The following ATP8B2 variants were observed in gnomAD, a reference collection of about 807,000 sequenced individuals.
ATP8B2 encodes phospholipid-transporting ATPase ID.
A neutral mutation model predicts 133.4 loss-of-function variants in ATP8B2; 70 were observed. The ratio of observed to expected loss-of-function variants is 0.52; its 90% CI spans 0.43 to 0.64. The LOEUF (loss-of-function observed/expected upper bound fraction) is 0.64. Among genes scored for constraint, ATP8B2 ranks in the 30% least tolerant of loss-of-function variants. The pLI, the probability that ATP8B2 is intolerant of heterozygous loss-of-function variation, is 0.00. For missense variants in ATP8B2, 1,101 were observed against 1,535.7 expected (o/e 0.72, Z 4.73); for synonymous variants, 517 against 589.5 (o/e 0.88, Z 1.78).
chr1:154,329,329 G>A (rs909176786), intron 2 of ATP8B2, among the ~76,000 whole-genome samples: 12 of 152,138 alleles, frequency 7.9e-5, no homozygotes, highest in Non-Finnish European at 1.5e-4. Context: ...AGGGGGCACT[G>A]TGGCCTGGGT....
rs1686331421 is a variant in ATP8B2 at position 154,340,217 on chromosome 1, G to C, written c.1035-637G>C. Among the ~76,000 whole-genome samples the C allele has an allele frequency of 6.6e-6, 1 of 152,176 alleles. No individual in the cohort carries two copies. The highest frequency in any genetic ancestry group is 2.4e-5 in the African/African-American group (1 of 41,434). On this transcript the variant is annotated intron_variant, in intron 12 of 27. Coordinates refer to ENST00000368489, the MANE Select transcript of ATP8B2 (RefSeq NM_001370597.1). This position sits in a 1 kb window ranked among gnomAD's most constrained non-coding sequence, Gnocchi z 4.0. ...AACAACAACCACCACAATGCGCTGT[G>C]CCATTGTGAAGTGGTGGTGTTCTGC...
intron 11 of ATP8B2, among the ~76,000 whole-genome samples, chr1:154,335,277 A>G (rs1686139369): frequency 6.6e-6 from 1 of 152,132 alleles, no homozygotes; most frequent in Admixed American, 6.6e-5. Flanking sequence ...CCAATCTCCT[A>G]TTTTGTTTCA....
chr1:154,347,511 T>TA (rs1244960413), intron 26 of ATP8B2, among the ~76,000 whole-genome samples: 1 of 152,182 alleles, frequency 6.6e-6, no homozygotes, highest in South Asian at 2.1e-4. Flanking sequence ...GGGCCGCTCT[T>TA]ACAGTTTCGT....
rs1259824646 is a variant in ATP8B2, at chr1:154,331,478, G to A, written c.338G>A (p.Arg113His). ...AAGAGCGATAACCAGGTGAATAACC[G>A]CCAGTCTCAGGTGCTGATCAATGGA... ...RHKSDNQVNN[R>H]QSQVLINGIL... Residue 113 changes from arginine to histidine, a missense_variant, in exon 6 of 28, where the codon CGC becomes CAC. Coordinates refer to ENST00000368489, the MANE Select transcript of ATP8B2 (RefSeq NM_001370597.1). This position sits in a 1 kb window ranked among gnomAD's most constrained non-coding sequence, Gnocchi z 4.8. The A allele has an allele frequency of 6.8e-6, 11 of 1,614,150 alleles. No homozygotes were observed. The highest frequency in any genetic ancestry group is 1.1e-5 in the South Asian group (1 of 91,072).
chr1:154,349,110 A>G lies in ATP8B2; in HGVS notation c.3565A>G (p.Lys1189Glu). 1 of 1,613,398 alleles carries G rather than the reference A, an allele frequency of 6.2e-7. No individual in the cohort carries two copies. Among genetic ancestry groups the G allele is most frequent in the Non-Finnish European group, 8.5e-7 (1 of 1,179,476 alleles). The change falls in exon 28 of 28, where the codon AAG becomes GAG. Residue 1189 changes from lysine to glutamate, a missense_variant. Lys to Glu is a moderately conservative substitution (Grantham distance 56). Coordinates refer to ENST00000368489, the MANE Select transcript of ATP8B2 (RefSeq NM_001370597.1). ...SPSGGADKPL[K>E]G ...CAGTGGCGGTGCCGACAAGCCCCTCAAGGGCTGAAGGCCGAGGATGGATGC... is the reference window on the plus strand; with the variant it reads ...CAGTGGCGGTGCCGACAAGCCCCTCGAGGGCTGAAGGCCGAGGATGGATGC...
Position 154,328,167 on chromosome 1 carries a change from C to T in ATP8B2, c.26C>T (p.Pro9Leu), listed in dbSNP as rs150796164. 1.1e-4 allele frequency: 175 copies of T among 1,613,748 alleles called. No homozygotes were observed. The highest frequency in any genetic ancestry group is 1.4e-4 in the Non-Finnish European group (167 of 1,179,878). MAVCAKKR[P>L]PEEERRARAN... The stretch of plus-strand genomic sequence containing the variant: ...ATGGCAGTGTGTGCAAAAAAGCGCC[C>T]CCCAGGTAAGACAGGCAAGGAGGGG... Residue 9 changes from proline to leucine, a missense_variant, in exon 2 of 28, where the codon CCC (proline) becomes CTC (leucine). Physicochemically the swap from Pro to Leu is moderately conservative, Grantham distance 98. Coordinates refer to ENST00000368489, the MANE Select transcript of ATP8B2 (RefSeq NM_001370597.1). The surrounding 1 kb of genome is among the most constrained non-coding windows in gnomAD (Gnocchi z 4.6).
chr1:154,344,806 C>G lies in ATP8B2; in HGVS notation c.2286+21C>G. 3 of 1,583,852 alleles carry G rather than the reference C, an allele frequency of 1.9e-6. No homozygotes were observed. The highest frequency in any genetic ancestry group is 2.6e-6 in the Non-Finnish European group (3 of 1,159,344). On this transcript the variant is annotated intron_variant, in intron 21 of 27. Coordinates refer to ENST00000368489, the MANE Select transcript of ATP8B2 (RefSeq NM_001370597.1). This position sits in a 1 kb window ranked among gnomAD's most constrained non-coding sequence, Gnocchi z 4.1. ...GCCTGGTAGGCATCGCTATCCTTAG[C>G]TTGGGCAGTATCTTTCCAGTGAGCA...
At position 154,343,041 on chromosome 1, in the gene ATP8B2, T is replaced by TGGGGCTTCCTGGGCG; in HGVS notation, c.1454-68_1454-54dup. On this transcript the variant is annotated intron_variant, in intron 15 of 27. Coordinates refer to ENST00000368489, the MANE Select transcript of ATP8B2 (RefSeq NM_001370597.1). This position sits in a 1 kb window ranked among gnomAD's most constrained non-coding sequence, Gnocchi z 5.8. ...GCTCTGCTCTGCAATGCGGCTGGGCTGGGGCTTCCTGGGCGGGGCACGTGG... is the reference window on the plus strand; with the variant it reads ...GCTCTGCTCTGCAATGCGGCTGGGCTGGGGCTTCCTGGGCGGGGGCTTCCTGGGCGGGGCACGTGG... 1 of 1,594,662 alleles carries TGGGGCTTCCTGGGCG rather than the reference T, an allele frequency of 6.3e-7. No individual in the cohort carries two copies. The highest frequency in any genetic ancestry group is 8.6e-7 in the Non-Finnish European group (1 of 1,168,952).
chr1:154,328,288 G>T lies in ATP8B2; in HGVS notation c.31+116G>T. The T allele has an allele frequency of 8.7e-7, 1 of 1,153,002 alleles. No individual in the cohort carries two copies. The highest frequency in any genetic ancestry group is 1.3e-6 in the Non-Finnish European group (1 of 770,216). The allele number at this position is 1,153,002 out of a possible 1,614,324, so 71.4% of individuals were successfully genotyped here. On this transcript the variant is annotated intron_variant, in intron 2 of 27. Coordinates refer to ENST00000368489, the MANE Select transcript of ATP8B2 (RefSeq NM_001370597.1). This position sits in a 1 kb window ranked among gnomAD's most constrained non-coding sequence, Gnocchi z 4.6. ...TGGGTCTGAGGGAGGGTAGCTTACA[G>T]CAGCCCCTACCCAGCTTGGGGGCAG...
At chr1:154,339,149 C>T (rs561263171) in intron 12 of ATP8B2, among the ~76,000 whole-genome samples, 6 of 152,222 alleles carry the variant, frequency 3.9e-5, no homozygotes, top group Non-Finnish European at 8.8e-5. Flanking sequence ...CAACTCTCTC[C>T]CAGCCCCCAA....
rs759592542 is a variant in ATP8B2 at position 154,346,724 on chromosome 1, C to G, written c.3129C>G (p.Leu1043=). 6.2e-7 allele frequency: 1 copy of G among 1,614,198 alleles called. No individual in the cohort carries two copies. Among genetic ancestry groups the G allele is most frequent in the Non-Finnish European group, 8.5e-7 (1 of 1,180,054 alleles). The change falls in exon 26 of 28, where the codon CTC becomes CTG. Residue 1043 remains leucine, a synonymous_variant. Coordinates refer to ENST00000368489, the MANE Select transcript of ATP8B2 (RefSeq NM_001370597.1). This position sits in a 1 kb window ranked among gnomAD's most constrained non-coding sequence, Gnocchi z 4.5. ...AILFAMHSNG[L]FDMFPNQFRF... ...TCTTTGCCATGCACAGCAATGGGCT[C>G]TTCGACATGTTTCCCAACCAGTTCC... is the stretch of plus-strand genomic sequence containing the variant.
chr1:154,348,647 T>C, intron 27 of ATP8B2, 109 bp downstream of exon 27: 1 of 1,489,938 alleles, frequency 6.7e-7, no homozygotes. Context: ...AGTGTGTTGG[T>C]GCTTATCTGT....
intron 1 of ATP8B2, chr1:154,327,782 G>C: frequency 6.2e-7 from 1 of 1,611,340 alleles, no homozygotes; most frequent in Non-Finnish European, 8.5e-7. Context: ...ACACATGAGA[G>C]CCTCCATTGT....
Position 154,340,923 on chromosome 1 carries a change from G to A in ATP8B2, c.1104G>A (p.Lys368=). 1 of 1,614,206 alleles carries A rather than the reference G, an allele frequency of 6.2e-7. No homozygotes were observed. Among genetic ancestry groups the A allele is most frequent in the Admixed American group, 1.7e-5 (1 of 60,024 alleles). ...ATAAGAAGATGTTCTGCATGAAGAA[G>A]CGGACGCCTGCAGAAGCCCGCACCA... ...NWDKKMFCMK[K]RTPAEARTTT... Residue 368 remains lysine (K), a synonymous_variant, in exon 13 of 28, where the codon AAG becomes AAA. Transcript: ENST00000368489. This position sits in a 1 kb window ranked among gnomAD's most constrained non-coding sequence, Gnocchi z 4.0.
In ATP8B2 at chr1:154,334,056, G is replaced by T; in HGVS notation, c.590-51G>T. 4 of 1,595,576 alleles carry T rather than the reference G, an allele frequency of 2.5e-6. No homozygotes were observed. Among genetic ancestry groups the T allele is most frequent in the Non-Finnish European group, 3.4e-6 (4 of 1,166,578 alleles). On this transcript the variant is annotated intron_variant, in intron 9 of 27. Coordinates refer to ENST00000368489, the MANE Select transcript of ATP8B2 (RefSeq NM_001370597.1). The surrounding 1 kb of genome is among the most constrained non-coding windows in gnomAD (Gnocchi z 4.6). ...TTTCTCTTTGTTTTATTGTCTTGTG[G>T]TTAGGCTGTAGACTGGACCTTAAGC...
rs1304578711 is a variant in ATP8B2, at chr1:154,344,921, C to G, written c.2287-50C>G. On this transcript the variant is annotated intron_variant, in intron 21 of 27. Coordinates refer to ENST00000368489, the MANE Select transcript of ATP8B2 (RefSeq NM_001370597.1). The surrounding 1 kb of genome is among the most constrained non-coding windows in gnomAD (Gnocchi z 4.1). Reference sequence around the variant, plus strand: ...AGGGGACTGGGAGGAGCTGAGACTCCCAGGTGTCTCCTGGAAAGACTGGCT... The same window carrying G: ...AGGGGACTGGGAGGAGCTGAGACTCGCAGGTGTCTCCTGGAAAGACTGGCT... 1 of 1,570,932 alleles carries G rather than the reference C, an allele frequency of 6.4e-7. No homozygotes were observed. The highest frequency in any genetic ancestry group is 8.6e-7 in the Non-Finnish European group (1 of 1,157,502).
Position 154,340,652 on chromosome 1 carries a change from G to A in ATP8B2, c.1035-202G>A, listed in dbSNP as rs952842382. 22 of 600,590 alleles carry A rather than the reference G, an allele frequency of 3.7e-5. No homozygotes were observed. Among genetic ancestry groups the A allele is most frequent in the Admixed American group, 1.8e-4 (6 of 33,458 alleles). The allele number at this position is 600,590 out of a possible 1,614,324, so 37.2% of individuals were successfully genotyped here. On this transcript the variant is annotated intron_variant, in intron 12 of 27. Coordinates refer to ENST00000368489, the MANE Select transcript of ATP8B2 (RefSeq NM_001370597.1). This position sits in a 1 kb window ranked among gnomAD's most constrained non-coding sequence, Gnocchi z 4.0. ...TTGTCTGGAGAGCATCAGGAGGGTC[G>A]GGTCGGGGCGTTCCTCTGCTGGCTG...
intron 26 of ATP8B2, 114 bp from the exon 27 acceptor site, chr1:154,348,294 G>C (rs1349181730): frequency 8.6e-7 from 1 of 1,168,010 alleles, no homozygotes; most frequent in Admixed American, 2.7e-5. Context: ...CTGGAGAAGC[G>C]GGAAGCCAGA....
At position 154,346,277 on chromosome 1, in the gene ATP8B2, C is replaced by A. The variant is rs1686579994; in HGVS notation, c.2825C>A (p.Pro942Gln). Residue 942 changes from proline to glutamine, a missense_variant, in exon 25 of 28, where the codon CCG becomes CAG. Transcript: ENST00000368489. The surrounding 1 kb of genome is among the most constrained non-coding windows in gnomAD (Gnocchi z 4.5). ...ATGGAGTACCCTAAGCTGTATGAGC[C>A]GGGCCAGCTGAACCTTCTCTTCAAC... ...RSMEYPKLYE[P>Q]GQLNLLFNKR... 6.2e-7 allele frequency: 1 copy of A among 1,614,076 alleles called. No individual in the cohort carries two copies. Among genetic ancestry groups the A allele is most frequent in the Admixed American group, 1.7e-5 (1 of 60,004 alleles).
Sources: gnomAD v4.1 joint callset for allele counts (sites outside exome capture counted in the v4.1 genomes callset) on GRCh38, gnomAD v4.1.1 for gene constraint, Gnocchi (gnomAD v3.1) non-coding constraint, MANE v1.5 for transcripts, NCBI Gene and HGNC (gene_info 2026-07-23, HGNC 2026-07-21) for gene names.